Variants in TRIOBP observed in about 807,000 individuals in gnomAD.
TRIOBP encodes TRIO and F-actin binding protein.
TRIOBP carries 169 observed loss-of-function variants against 238.8 expected under a neutral mutation model. The ratio of observed to expected loss-of-function variants is 0.71; its 90% CI spans 0.62 to 0.80. The LOEUF is 0.80. TRIOBP is among the 30% of genes least tolerant of loss of function. The pLI, the probability that TRIOBP is intolerant of heterozygous loss-of-function variation, is 0.00. For synonymous variants in TRIOBP, 1,150 were observed against 1,274.4 expected (o/e 0.90, Z 2.08); for missense variants, 2,838 against 3,122.6 (o/e 0.91, Z 2.17).
Position 37,759,149 on chromosome 22 carries a change from C to T in TRIOBP, c.6214-5C>T, listed in dbSNP as rs757683143. The T allele has an allele frequency of 2.0e-4, 323 of 1,608,468 alleles. No individual in the cohort carries two copies. Among genetic ancestry groups the T allele is most frequent in the Non-Finnish European group, 2.2e-4 (258 of 1,177,926 alleles). ...GGTCCCACTGACCACCCTTCTCCCT[C>T]GTAGGTTCAGGCTCTTCGGGCCCAG... is the stretch of plus-strand genomic sequence containing the variant. On this transcript the variant is annotated splice_polypyrimidine_tract_variant and splice_region_variant and intron_variant, in intron 16 of 23. Coordinates refer to ENST00000644935, the MANE Select transcript of TRIOBP (RefSeq NM_001039141.3).
At chr22:37,755,381 AG>A in intron 14 of TRIOBP, 168 bp from the exon 15 acceptor site, 1 of 901,768 alleles carries the variant, frequency 1.1e-6, no homozygotes, top group Non-Finnish European at 1.8e-6. Context: ...TGGAGCCAGC[AG>A]GGCTCTTCCC....
In TRIOBP at chr22:37,773,507, G is replaced by A. The variant is rs534642955; in HGVS notation, c.*3-276G>A. 9.2e-5 allele frequency among the ~76,000 whole-genome samples: 14 copies of A among 152,194 alleles called. No individual in the cohort carries two copies. In the East Asian group the frequency reaches 2.1e-3, roughly 23 times the overall value. On this transcript the variant is annotated intron_variant, in intron 23 of 23. Transcript: ENST00000644935. ...AATTCTGAGATTACAGGTGTGAGCC[G>A]CTGCACCTGGCCAAAGTGTTCTTAT...
At position 37,724,713 on chromosome 22, in the gene TRIOBP, C is replaced by G; in HGVS notation, c.2157C>G (p.Asn719Lys). ...SSPNRTTQQE[N>K]PRTSCARRDN... is the part of the protein sequence containing the mutation. The stretch of plus-strand genomic sequence containing the variant: ...CTAACAGAACCACCCAACAAGAGAA[C>G]CCCAGAACATCCTGTGCCCGACGGG... The change falls in exon 7 of 24, where the codon AAC (asparagine) becomes AAG (lysine). Residue 719 changes from asparagine to lysine, a missense_variant. Asn to Lys is a moderately conservative substitution (Grantham distance 94). Transcript: ENST00000644935. 2 of 1,612,584 alleles carry G rather than the reference C, an allele frequency of 1.2e-6. No individual in the cohort carries two copies. The highest frequency in any genetic ancestry group is 1.3e-5 in the African/African-American group (1 of 74,688).
At chr22:37,773,177 GTGGTTGGTTGGTTGGTTGGT>G (rs3041692) in intron 23 of TRIOBP, among the ~76,000 whole-genome samples, 28 of 150,076 alleles carry the variant, frequency 1.9e-4, no homozygotes, top group African/African-American at 3.7e-4. Flanking sequence ...AGGGCTCAAA[GTGGTTGGTTGGTTGGTTGGT>G]TGGTTGGTTG....
At position 37,715,718 on chromosome 22, in the gene TRIOBP, C is replaced by A. The variant is rs753469387; in HGVS notation, c.457-45C>A. On this transcript the variant is annotated intron_variant, in intron 5 of 23. Coordinates refer to ENST00000644935, the MANE Select transcript of TRIOBP (RefSeq NM_001039141.3). ...ATTTGGAGAGTATATGTCCTGCAGC[C>A]TTTTTTCTCCCGCAAACATACTTTC... is the stretch of plus-strand genomic sequence containing the variant. 4.8e-5 allele frequency: 77 copies of A among 1,601,564 alleles called. 2 individuals are homozygous for A. The Admixed American group carries it at 8.6e-4, about 18-fold the overall frequency.
chr22:37,745,985 CG>C (rs1251680060), intron 11 of TRIOBP, among the ~76,000 whole-genome samples: 1 of 150,684 alleles, frequency 6.6e-6, no homozygotes, highest in Admixed American at 6.6e-5. Flanking sequence ...GCCCGCGGCC[CG>C]GGCCCGCCCG....
intron 22 of TRIOBP, among the ~76,000 whole-genome samples, chr22:37,772,326 C>T (rs1417173672): frequency 2.0e-5 from 3 of 151,912 alleles, no homozygotes; most frequent in East Asian, 1.9e-4. Context: ...GCCAGGCTGA[C>T]CTGGTTCTCA....
At chr22:37,738,333 T>TAGATGGTGGAC (rs11271015) in intron 9 of TRIOBP, among the ~76,000 whole-genome samples, 125,712 of 151,772 alleles carry the variant, frequency 0.83, 53,929 homozygotes, top group East Asian at 1. Context: ...TGTCAGATGA[T>TAGATGGTGGAC]AGATGTTGGA....
intron 17 of TRIOBP, among the ~76,000 whole-genome samples, chr22:37,763,122 C>T (rs1926322255): frequency 6.6e-6 from 1 of 152,198 alleles, no homozygotes; most frequent in African/African-American, 2.4e-5. Context: ...GTCTGCCTGC[C>T]TGGTCTGGCC....
At position 37,701,361 on chromosome 22, in the gene TRIOBP, C is replaced by G; in HGVS notation, c.-5C>G. On this transcript the variant is annotated 5_prime_UTR_variant, in exon 3 of 24. Transcript: ENST00000644935. ...TAGGAACTGCCCTGGCCTGACTCAC[C>G]CAATATGGAGGAGGTGCCTGGGGAT... The G allele has an allele frequency of 6.2e-7, 1 of 1,610,324 alleles. No homozygotes were observed. The highest frequency in any genetic ancestry group is 8.5e-7 in the Non-Finnish European group (1 of 1,177,810).
At chr22:37,716,413 C>CTGT (rs923627347) in intron 6 of TRIOBP, among the ~76,000 whole-genome samples, 8 of 151,538 alleles carry the variant, frequency 5.3e-5, no homozygotes, top group African/African-American at 1.9e-4. Flanking sequence ...CACGCCTAGC[C>CTGT]TGTTATTATT....
At chr22:37,749,835 G>A (rs1170678988) in intron 11 of TRIOBP, among the ~76,000 whole-genome samples, 7 of 150,508 alleles carry the variant, frequency 4.7e-5, no homozygotes, top group South Asian at 2.1e-4. Context: ...TGCTTATGTC[G>A]TCCCGGCTAC....
intron 18 of TRIOBP, among the ~76,000 whole-genome samples, chr22:37,767,797 G>A (rs1423107234): frequency 1.3e-5 from 2 of 152,138 alleles, no homozygotes; most frequent in Non-Finnish European, 2.9e-5. Context: ...CCCCAGTAGG[G>A]TCCATCCAAC....
rs373713130 is a variant in TRIOBP at position 37,755,157 on chromosome 22, C to T, written c.5544C>T (p.Tyr1848=). ...GTTCCTGCACGGATGTCACTGAGTA[C>T]GCGGTGCAGCGCAACTATGGCTTCC... ...DLRSCTDVTE[Y]AVQRNYGFQI... Residue 1848 remains tyrosine, a synonymous_variant, in exon 14 of 24, where the codon TAC becomes TAT. Transcript: ENST00000644935. The T allele has an allele frequency of 4.5e-5, 73 of 1,613,240 alleles. No individual in the cohort carries two copies. The Middle Eastern group carries it at 4.9e-4, about 11-fold the overall frequency.
intron 17 of TRIOBP, among the ~76,000 whole-genome samples, chr22:37,764,256 A>AT (rs1926379186): frequency 6.6e-6 from 1 of 152,168 alleles, no homozygotes; most frequent in African/African-American, 2.4e-5. Flanking sequence ...AGGGGCTATC[A>AT]TTCTGCCCCC....
intron 11 of TRIOBP, chr22:37,751,089 ACTT>A (rs1925570483): frequency 2.3e-6 from 1 of 425,804 alleles, no homozygotes; most frequent in African/African-American, 2.1e-5. Flanking sequence ...AGGATGAGCA[ACTT>A]CTTTATCTAG....
Position 37,735,008 on chromosome 22 carries a change from G to T in TRIOBP, c.4672G>T (p.Asp1558Tyr), listed in dbSNP as rs1924602959. Residue 1558 changes from aspartate (D) to tyrosine (Y), a missense_variant, in exon 9 of 24, where the codon GAC becomes TAC. This residue lies in a region of TRIOBP where 2,096 missense variants were observed against 2,137.4 expected (regional missense o/e 0.98). Coordinates refer to ENST00000644935, the MANE Select transcript of TRIOBP (RefSeq NM_001039141.3). The stretch of plus-strand genomic sequence containing the variant: ...TGGCTCTGAGAGGCGACCCGAGCTT[G>T]ACTGGAGGGATCTGCTTGGCCTTCT... ...PRGSERRPEL[D>Y]WRDLLGLLRA... 5.6e-6 allele frequency: 9 copies of T among 1,612,516 alleles called. No homozygotes were observed. The highest frequency in any genetic ancestry group is 6.8e-6 in the Non-Finnish European group (8 of 1,179,320).
Position 37,759,254 on chromosome 22 carries a change from A to G in TRIOBP, c.6314A>G (p.Tyr2105Cys), listed in dbSNP as rs750738617. ...SQEDGHIPPG[Y>C]ISQEACERSL... ...GAGGATGGCCACATCCCCCCGGGCTACATCTCACAGGTAAGGCCGGGGGGC... is the reference window on the plus strand; with the variant it reads ...GAGGATGGCCACATCCCCCCGGGCTGCATCTCACAGGTAAGGCCGGGGGGC... Residue 2105 changes from tyrosine (Y) to cysteine (C), a missense_variant, in exon 17 of 24, where the codon TAC becomes TGC. By Grantham distance (194) the Tyr-to-Cys change is radical. Coordinates refer to ENST00000644935, the MANE Select transcript of TRIOBP (RefSeq NM_001039141.3). 1.2e-6 allele frequency: 2 copies of G among 1,612,968 alleles called. No individual in the cohort carries two copies. The highest frequency in any genetic ancestry group is 1.7e-6 in the Non-Finnish European group (2 of 1,179,800).
chr22:37,739,218 G>T (rs1924822569), intron 10 of TRIOBP, among the ~76,000 whole-genome samples: 1 of 152,114 alleles, frequency 6.6e-6, no homozygotes, highest in African/African-American at 2.4e-5. Flanking sequence ...TGCAGCTGGT[G>T]AGCACAACTC....
Sources: gnomAD v4.1 joint callset for allele counts (sites outside exome capture counted in the v4.1 genomes callset) on GRCh38, gnomAD v4.1.1 for gene constraint, gnomAD v4.1.1 regional missense constraint, MANE v1.5 for transcripts, NCBI Gene and HGNC (gene_info 2026-07-23, HGNC 2026-07-21) for gene names.